DAAM1: variants seen among roughly 807,000 people sequenced by gnomAD.
The protein encoded by DAAM1 is disheveled-associated activator of morphogenesis 1.
A neutral mutation model predicts 130.0 loss-of-function variants in DAAM1; 52 were observed. That is an observed-to-expected ratio of 0.40 (90% confidence interval 0.32 to 0.50). The LOEUF is 0.50. DAAM1 is among the 20% of genes least tolerant of loss of function. The pLI is 0.61. For missense variants in DAAM1, 1,134 were observed against 1,303.8 expected (o/e 0.87, Z 2.01); for synonymous variants, 452 against 444.5 (o/e 1.02, Z -0.21).
At chr14:59,268,157 T>G (rs1160616485) in intron 2 of DAAM1, among the ~76,000 whole-genome samples, 2 of 152,206 alleles carry the variant, frequency 1.3e-5, no homozygotes, top group East Asian at 3.9e-4. Context: ...CACCTCAGCC[T>G]CCCAAAGTGC....
Position 59,266,330 on chromosome 14 carries a change from G to A in DAAM1, c.183+2670G>A, listed in dbSNP as rs1008935169. On this transcript the variant is annotated intron_variant, in intron 2 of 24. Transcript: ENST00000360909. ...CCCTCAGTGGTAGTAGAGCTGGTAG[G>A]CAGAGCTGGCACCCTCAAAGCATTC... 2.6e-5 allele frequency among the ~76,000 whole-genome samples: 4 copies of A among 152,230 alleles called. No individual in the cohort carries two copies. The East Asian group carries it at 7.7e-4, about 29-fold the overall frequency.
chr14:59,347,813 T>C (rs1886140689), intron 17 of DAAM1, among the ~76,000 whole-genome samples, 190 bp downstream of exon 17: 1 of 152,188 alleles, frequency 6.6e-6, no homozygotes, highest in African/African-American at 2.4e-5. Flanking sequence ...CCCAAACTGA[T>C]GGGTGAGAAA....
intron 2 of DAAM1, among the ~76,000 whole-genome samples, chr14:59,277,929 C>A (rs564308568): frequency 3.3e-5 from 5 of 152,250 alleles, no homozygotes; most frequent in Admixed American, 2.0e-4. Context: ...CCCTCCCCTC[C>A]CCTGTGGATG....
chr14:59,256,960 T>C (rs1881919905), intron 1 of DAAM1, among the ~76,000 whole-genome samples: 1 of 152,228 alleles, frequency 6.6e-6, no homozygotes, highest in South Asian at 2.1e-4. Flanking sequence ...AAAGATTTTA[T>C]CAGCGAGTCT....
intron 22 of DAAM1, 94 bp from the exon 23 acceptor site, chr14:59,363,552 CTGATT>C (rs1362659240): frequency 3.3e-6 from 5 of 1,521,946 alleles, no homozygotes; most frequent in Non-Finnish European, 4.4e-6. Context: ...GTTTGCCATT[CTGATT>C]TATTAAATTT....
chr14:59,325,430 G>A (rs1240527559), intron 8 of DAAM1, among the ~76,000 whole-genome samples: 2 of 152,168 alleles, frequency 1.3e-5, no homozygotes, highest in Non-Finnish European at 2.9e-5. Context: ...ATTGCCTACT[G>A]TATGCTAGGC....
Position 59,331,414 on chromosome 14 carries a change from C to T in DAAM1, c.1766C>T (p.Pro589Leu), listed in dbSNP as rs1357565044. 4.3e-6 allele frequency: 7 copies of T among 1,614,006 alleles called. No homozygotes were observed. The highest frequency in any genetic ancestry group is 5.9e-6 in the Non-Finnish European group (7 of 1,180,022). ...CCTCCCTTAGGGGCAATCATGCCAC[C>T]TCCTGGTGCTCCAATGGGCCTAGCA... The part of the protein sequence containing the change: ...GPPPLGAIMP[P>L]PGAPMGLALK... Residue 589 changes from proline (P) to leucine (L), a missense_variant, in exon 14 of 25, where the codon CCT (proline) becomes CTT (leucine). By Grantham distance (98) the Pro-to-Leu change is moderately conservative (BLOSUM62 -3). Coordinates refer to ENST00000360909, the MANE Select transcript of DAAM1 (RefSeq NM_001270520.2).
intron 22 of DAAM1, among the ~76,000 whole-genome samples, chr14:59,361,805 G>A (rs1010917480): frequency 2.0e-5 from 3 of 152,096 alleles, no homozygotes; most frequent in Admixed American, 6.5e-5. Flanking sequence ...TGAAGGAGAC[G>A]GATTTGCAGG....
chr14:59,236,228 A>G (rs1889291992), intron 1 of DAAM1, among the ~76,000 whole-genome samples: 1 of 151,840 alleles, frequency 6.6e-6, no homozygotes, highest in Non-Finnish European at 1.5e-5. Context: ...AAAGGGAAGA[A>G]GTTGTAGTAG....
chr14:59,355,304 A>C lies in DAAM1; in HGVS notation c.2496A>C (p.Lys832Asn). ...AYGFKISSLN[K>N]IADTKSSIDK... ...GATTCAAGATATCTAGCCTAAACAA[A>C]ATTGCTGACACAAAATCCAGCATCG... The change falls in exon 20 of 25, where the codon AAA (lysine) becomes AAC (asparagine). Residue 832 changes from lysine to asparagine, a missense_variant. Physicochemically the swap from Lys to Asn is moderately conservative, Grantham distance 94 (BLOSUM62 0). Transcript: ENST00000360909. The C allele has an allele frequency of 6.2e-7, 1 of 1,614,058 alleles. No individual in the cohort carries two copies. Among genetic ancestry groups the C allele is most frequent in the Non-Finnish European group, 8.5e-7 (1 of 1,179,994 alleles).
At position 59,324,710 on chromosome 14, in the gene DAAM1, T is replaced by C. The variant is rs10141362; in HGVS notation, c.989+256T>C. 5.6e-3 allele frequency among the ~76,000 whole-genome samples: 852 copies of C among 152,348 alleles called. 7 individuals carry two copies. The highest frequency in any genetic ancestry group is 0.019 in the African/African-American group (774 of 41,576). On this transcript the variant is annotated intron_variant, in intron 8 of 24. Coordinates refer to ENST00000360909, the MANE Select transcript of DAAM1 (RefSeq NM_001270520.2). The stretch of plus-strand genomic sequence containing the variant: ...TATCCTATCCTAGTCCTGCCTCTTA[T>C]TCCTGTGTATCCTGGTGAAGTTACT...
rs371300051 is a variant in DAAM1, at chr14:59,364,269, A to G, written c.2826+487A>G. Reference sequence around the variant, plus strand: ...TTGGAGGACAGGATACTACCTGTATAAATCTCCAGCAGAACTCGCTAAAAG... The same window carrying G: ...TTGGAGGACAGGATACTACCTGTATGAATCTCCAGCAGAACTCGCTAAAAG... On this transcript the variant is annotated intron_variant, in intron 23 of 24. Coordinates refer to ENST00000360909, the MANE Select transcript of DAAM1 (RefSeq NM_001270520.2). Among the ~76,000 whole-genome samples, 8 of 152,318 alleles carry G rather than the reference A, an allele frequency of 5.3e-5. No homozygotes were observed. The South Asian group carries it at 1.7e-3, about 32-fold the overall frequency.
chr14:59,351,696 G>A (rs187014011), intron 17 of DAAM1, among the ~76,000 whole-genome samples: 3 of 151,760 alleles, frequency 2.0e-5, no homozygotes, highest in Non-Finnish European at 2.9e-5. Context: ...TAAATGGATC[G>A]TCTAATTCCA....
chr14:59,255,254 G>A (rs1235588762), intron 1 of DAAM1, among the ~76,000 whole-genome samples: 1 of 152,148 alleles, frequency 6.6e-6, no homozygotes, highest in East Asian at 1.9e-4. Context: ...GTATGGGCAG[G>A]GCTGTCCCTC....
intron 1 of DAAM1, among the ~76,000 whole-genome samples, chr14:59,198,539 A>G (rs1887986952): frequency 6.6e-6 from 1 of 151,936 alleles, no homozygotes; most frequent in Non-Finnish European, 1.5e-5. Context: ...CCATTTGCTG[A>G]TTTGCCTTTC....
chr14:59,268,425 T>G (rs972297848), intron 2 of DAAM1, among the ~76,000 whole-genome samples: 1 of 152,232 alleles, frequency 6.6e-6, no homozygotes, highest in Non-Finnish European at 1.5e-5. Context: ...TCAGACTGTT[T>G]CAAAATGACT....
intron 2 of DAAM1, among the ~76,000 whole-genome samples, chr14:59,268,164 G>A (rs1378076210): frequency 6.6e-6 from 1 of 152,096 alleles, no homozygotes; most frequent in African/African-American, 2.4e-5. Flanking sequence ...GCCTCCCAAA[G>A]TGCTGGGATG....
chr14:59,334,855 T>C (rs1002511319), intron 15 of DAAM1, among the ~76,000 whole-genome samples: 12 of 152,168 alleles, frequency 7.9e-5, no homozygotes, highest in African/African-American at 2.9e-4. Context: ...TAACTTACAG[T>C]ATAAAAGCAG....
At chr14:59,294,520 C>A (rs1436067383) in intron 3 of DAAM1, among the ~76,000 whole-genome samples, 2 of 151,130 alleles carry the variant, frequency 1.3e-5, no homozygotes, top group African/African-American at 4.9e-5. Flanking sequence ...ACTTACCGGA[C>A]TGGTTGGTCA....
Sources: allele counts gnomAD v4.1 joint callset (sites outside exome capture counted in the v4.1 genomes callset), GRCh38; gene constraint gnomAD v4.1.1; transcripts MANE v1.5; gene names NCBI Gene and HGNC (gene_info 2026-07-23, HGNC 2026-07-21).